The following MYO5B variants were observed in gnomAD, a reference collection of about 807,000 sequenced individuals.
The protein encoded by MYO5B is unconventional myosin-Vb.
MYO5B carries 143 observed loss-of-function variants against 229.3 expected under a neutral mutation model. That is an observed-to-expected ratio of 0.62 (90% confidence interval 0.54 to 0.72). The LOEUF (loss-of-function observed/expected upper bound fraction) is 0.72. MYO5B is among the 30% of genes least tolerant of loss of function. The pLI, the probability that MYO5B is intolerant of heterozygous loss-of-function variation, is 0.00. For synonymous variants in MYO5B, 918 were observed against 885.2 expected, an observed-to-expected ratio of 1.04 and a Z score of -0.66; for missense variants, 2,321 against 2,331.0, an observed-to-expected ratio of 1.00 and a Z score of 0.09.
chr18:50,074,419 G>A (rs985212557), intron 1 of MYO5B, among the ~76,000 whole-genome samples: 1 of 152,162 alleles, frequency 6.6e-6, no homozygotes, highest in African/African-American at 2.4e-5. Context: ...CCCATCGGAT[G>A]TCACTTCCCT....
At chr18:50,108,960 A>G (rs776735388) in intron 1 of MYO5B, among the ~76,000 whole-genome samples, 1 of 152,190 alleles carries the variant, frequency 6.6e-6, no homozygotes, top group East Asian at 1.9e-4. Flanking sequence ...CCACATGCTA[A>G]AACTGTCTTC....
chr18:49,928,112 A>C (rs2025149982), intron 17 of MYO5B, among the ~76,000 whole-genome samples: 1 of 152,214 alleles, frequency 6.6e-6, no homozygotes, highest in Non-Finnish European at 1.5e-5. Flanking sequence ...AGATATACAA[A>C]TGGCCAACAA....
At position 50,195,028 on chromosome 18, in the gene MYO5B, G is replaced by C; in HGVS notation, c.-235C>G. 1 of 424,368 alleles carries C rather than the reference G, an allele frequency of 2.4e-6. No individual in the cohort carries two copies. The allele number at this position is 424,368 out of a possible 1,614,324, so 26.3% of individuals were successfully genotyped here. On this transcript the variant is annotated 5_prime_UTR_variant, in exon 1 of 40. Coordinates refer to ENST00000285039, the MANE Select transcript of MYO5B (RefSeq NM_001080467.3). The stretch of plus-strand genomic sequence containing the variant: ...CTACGGCCGGACAGGAGTTGCGAGC[G>C]CCGGGGGAGGAGGCCGCGCCGCACC...
At chr18:49,986,992 T>C (rs1010610404) in intron 7 of MYO5B, among the ~76,000 whole-genome samples, 2 of 152,180 alleles carry the variant, frequency 1.3e-5, no homozygotes, top group Admixed American at 6.5e-5. Flanking sequence ...GCCAAACACA[T>C]CAGAAAGAGT....
chr18:50,048,835 C>T (rs2030312772), intron 2 of MYO5B, among the ~76,000 whole-genome samples: 2 of 152,018 alleles, frequency 1.3e-5, no homozygotes, highest in South Asian at 4.2e-4. Context: ...TCAGCCTGGC[C>T]AATATGGTGA....
intron 21 of MYO5B, among the ~76,000 whole-genome samples, chr18:49,900,460 G>A (rs953116060): frequency 3.9e-5 from 6 of 152,212 alleles, no homozygotes; most frequent in Non-Finnish European, 8.8e-5. Flanking sequence ...AACTAACACA[G>A]AGAAACACCC....
Position 50,189,870 on chromosome 18 carries a change from C to A in MYO5B, c.27+4897G>T, listed in dbSNP as rs530580775. ...GTTAAAGGACACCTGCCCAAAAGCA[C>A]AGAAGATCTATTTTTCAAATGATTG... On this transcript the variant is annotated intron_variant, in intron 1 of 39. Coordinates refer to ENST00000285039, the MANE Select transcript of MYO5B (RefSeq NM_001080467.3). Among the ~76,000 whole-genome samples, 3 of 152,260 alleles carry A rather than the reference C, an allele frequency of 2.0e-5. No individual in the cohort carries two copies. In the East Asian group the frequency reaches 5.8e-4, roughly 29 times the overall value.
chr18:49,929,178 GGGGAATGGTAAA>G (rs1181422440), intron 17 of MYO5B, among the ~76,000 whole-genome samples: 3 of 152,134 alleles, frequency 2.0e-5, no homozygotes, highest in Non-Finnish European at 2.9e-5. Flanking sequence ...AGAAAGGGTG[GGGGAATGGTAAA>G]GGGGACAAGG....
intron 2 of MYO5B, among the ~76,000 whole-genome samples, chr18:50,053,671 C>T (rs2030464641): frequency 6.6e-6 from 1 of 152,036 alleles, no homozygotes; most frequent in Admixed American, 6.5e-5. Flanking sequence ...GTGCACACCT[C>T]AGTACAGACG....
chr18:50,075,747 T>A (rs1202776047), intron 1 of MYO5B, among the ~76,000 whole-genome samples: 2 of 152,204 alleles, frequency 1.3e-5, no homozygotes, highest in African/African-American at 4.8e-5. Flanking sequence ...AAACAAGCTG[T>A]GGCACTCAGT....
intron 14 of MYO5B, among the ~76,000 whole-genome samples, chr18:49,947,026 G>A (rs752441407): frequency 2.6e-5 from 4 of 151,016 alleles, no homozygotes; most frequent in Admixed American, 6.6e-5. Flanking sequence ...ATTGGGCTAC[G>A]TAAGGATACC....
chr18:50,077,814 C>T (rs2031123942), intron 1 of MYO5B, among the ~76,000 whole-genome samples: 1 of 152,168 alleles, frequency 6.6e-6, no homozygotes, highest in Non-Finnish European at 1.5e-5. Context: ...CTCTGTAACC[C>T]AGGGACAAGA....
chr18:49,847,548 T>C (rs895026654), intron 32 of MYO5B, among the ~76,000 whole-genome samples: 1 of 152,096 alleles, frequency 6.6e-6, no homozygotes, highest in African/African-American at 2.4e-5. Flanking sequence ...ACACTCTGGA[T>C]AGGGGAGAGG....
intron 1 of MYO5B, among the ~76,000 whole-genome samples, chr18:50,161,416 C>T (rs2032763647): frequency 6.6e-6 from 1 of 151,906 alleles, no homozygotes; most frequent in Non-Finnish European, 1.5e-5. Context: ...CATGAAGGAC[C>T]GCTCCCCTCT....
At chr18:49,887,816 G>A (rs537411289) in intron 22 of MYO5B, among the ~76,000 whole-genome samples, 5 of 150,972 alleles carry the variant, frequency 3.3e-5, no homozygotes, top group East Asian at 3.9e-4. Context: ...GAGTAGCTGC[G>A]ATTACAGGCA....
At chr18:49,942,068 C>G (rs2025320325) in intron 14 of MYO5B, among the ~76,000 whole-genome samples, 4 of 131,608 alleles carry the variant, frequency 3.0e-5, no homozygotes, top group Admixed American at 7.6e-5. Context: ...ACAAACCTGA[C>G]AAAAACAAGC....
intron 29 of MYO5B, among the ~76,000 whole-genome samples, chr18:49,860,060 T>C (rs1371723292): frequency 6.6e-6 from 1 of 152,154 alleles, no homozygotes; most frequent in African/African-American, 2.4e-5. Flanking sequence ...AGGCCTCCTG[T>C]CTTGCCGGGG....
intron 5 of MYO5B, 113 bp from the exon 6 acceptor site, chr18:49,992,544 C>G: frequency 1.4e-6 from 2 of 1,468,898 alleles, no homozygotes; most frequent in Non-Finnish European, 1.9e-6. Context: ...TACAGAAACC[C>G]TCTGTTCTTG....
chr18:50,128,727 C>A (rs1231523590), intron 1 of MYO5B, among the ~76,000 whole-genome samples: 2 of 152,200 alleles, frequency 1.3e-5, no homozygotes, highest in Non-Finnish European at 2.9e-5. Context: ...ATCCTTTACA[C>A]ATCCCCAGTC....
Sources: gnomAD v4.1 joint callset for allele counts (sites outside exome capture counted in the v4.1 genomes callset) on GRCh38, gnomAD v4.1.1 for gene constraint, MANE v1.5 for transcripts, NCBI Gene and HGNC (gene_info 2026-07-23, HGNC 2026-07-21) for gene names.